The following CNTNAP2 variants were observed in gnomAD, a reference collection of about 807,000 sequenced individuals.
CNTNAP2 encodes the protein contactin-associated protein-like 2.
In CNTNAP2, 98 loss-of-function variants were observed where a neutral mutation model predicts 155.2. The observed-to-expected ratio is 0.63, with a 90% CI of 0.54 to 0.75. The LOEUF (loss-of-function observed/expected upper bound fraction) is 0.75, where lower values mean the gene tolerates loss of function less well. CNTNAP2 is among the 30% of genes least tolerant of loss of function. The pLI, the probability that CNTNAP2 is intolerant of heterozygous loss-of-function variation, is 0.00. For synonymous variants in CNTNAP2, 651 were observed against 631.2 expected (o/e 1.03, Z -0.47); for missense variants, 1,727 against 1,688.1 (o/e 1.02, Z -0.40).
In CNTNAP2 at chr7:146,371,806, A is replaced by G. The variant is rs1205153011; in HGVS notation, c.97+254833A>G. On this transcript the variant is annotated intron_variant, in intron 1 of 23. Transcript: ENST00000361727. ...CCCGTCTCTACTTTAAAAAAATGCA[A>G]AAATTAGCTGTGCATAGTGGCACAT... 7.2e-5 allele frequency among the ~76,000 whole-genome samples: 11 copies of G among 152,040 alleles called. No individual in the cohort carries two copies. In the East Asian group the frequency reaches 2.2e-3, roughly 30 times the overall value.
chr7:146,476,958 A>G (rs1403306925), intron 1 of CNTNAP2, among the ~76,000 whole-genome samples: 1 of 152,200 alleles, frequency 6.6e-6, no homozygotes, highest in African/African-American at 2.4e-5. Flanking sequence ...TATGGATACT[A>G]TCTTAGCAAG....
At chr7:146,926,133 T>C (rs892208381) in intron 3 of CNTNAP2, among the ~76,000 whole-genome samples, 2 of 152,160 alleles carry the variant, frequency 1.3e-5, no homozygotes, top group East Asian at 1.9e-4. Context: ...TACAATTCTT[T>C]AGTTGCTAGC....
chr7:147,276,837 A>C (rs888324976), intron 8 of CNTNAP2, among the ~76,000 whole-genome samples: 1 of 152,160 alleles, frequency 6.6e-6, no homozygotes, highest in East Asian at 1.9e-4. Flanking sequence ...TGACAAAAAA[A>C]AAACTGCAAA....
intron 13 of CNTNAP2, among the ~76,000 whole-genome samples, chr7:147,742,224 C>T (rs1019570152): frequency 1.3e-5 from 2 of 152,222 alleles, no homozygotes; most frequent in African/African-American, 4.8e-5. Context: ...ATATCAATGG[C>T]AAAACCGTAT....
intron 2 of CNTNAP2, among the ~76,000 whole-genome samples, chr7:146,781,698 T>A (rs1585087869): frequency 1.3e-5 from 2 of 152,090 alleles, no homozygotes; most frequent in South Asian, 2.1e-4. Context: ...AGAAAGAAAA[T>A]TTTTCCCTTT....
chr7:146,337,750 G>T (rs1015583993), intron 1 of CNTNAP2, among the ~76,000 whole-genome samples: 1 of 152,056 alleles, frequency 6.6e-6, no homozygotes, highest in Non-Finnish European at 1.5e-5. Context: ...GGGATTACAG[G>T]TGTTAGCCAC....
chr7:147,284,037 T>C (rs999190529), intron 8 of CNTNAP2, among the ~76,000 whole-genome samples: 1 of 151,694 alleles, frequency 6.6e-6, no homozygotes, highest in African/African-American at 2.4e-5. Context: ...CTTTCATCTC[T>C]GTAGGTGTTC....
intron 13 of CNTNAP2, among the ~76,000 whole-genome samples, chr7:147,801,912 C>T (rs531434367): frequency 4.8e-4 from 70 of 146,912 alleles, no homozygotes; most frequent in East Asian, 1.7e-3. Flanking sequence ...CGGGCAGAGG[C>T]GCCCCTCACC....
At chr7:147,374,958 G>C (rs180926259) in intron 9 of CNTNAP2, among the ~76,000 whole-genome samples, 7 of 152,076 alleles carry the variant, frequency 4.6e-5, no homozygotes, top group African/African-American at 1.7e-4. Flanking sequence ...TTGAGGGAAG[G>C]ACCTGGTGAA....
At chr7:147,775,238 TATATTTATATATATATTTATAA>T (rs1797543555) in intron 13 of CNTNAP2, among the ~76,000 whole-genome samples, 2 of 121,840 alleles carry the variant, frequency 1.6e-5, no homozygotes, top group East Asian at 2.2e-4. Context: ...AATATATATA[TATATTTATATATATATTTATAA>T]ATATATTTAT....
chr7:146,751,790 G>A (rs796912193), intron 1 of CNTNAP2, among the ~76,000 whole-genome samples: 1 of 151,572 alleles, frequency 6.6e-6, no homozygotes. Context: ...CCCAACCCCC[G>A]ACAGGCCTTG....
chr7:148,254,572 C>G (rs766793942), intron 20 of CNTNAP2, among the ~76,000 whole-genome samples: 5 of 151,976 alleles, frequency 3.3e-5, no homozygotes, highest in East Asian at 3.9e-4. Context: ...GTCAGGAGAT[C>G]GAGACCATCC....
chr7:146,394,597 G>A (rs1795593440), intron 1 of CNTNAP2, among the ~76,000 whole-genome samples: 1 of 152,062 alleles, frequency 6.6e-6, no homozygotes, highest in Non-Finnish European at 1.5e-5. Context: ...GGCAAACTGA[G>A]AGTATTTAAA....
At chr7:147,447,084 G>A (rs1195190188) in intron 10 of CNTNAP2, among the ~76,000 whole-genome samples, 1 of 152,126 alleles carries the variant, frequency 6.6e-6, no homozygotes, top group East Asian at 1.9e-4. Context: ...TAATTACTAT[G>A]ACTTCTATAT....
chr7:146,869,299 TTTTG>T (rs1249908904), intron 3 of CNTNAP2, among the ~76,000 whole-genome samples: 2 of 152,294 alleles, frequency 1.3e-5, no homozygotes, highest in East Asian at 3.9e-4. Flanking sequence ...TTGTCTTTAA[TTTTG>T]TTTATGTGAT....
chr7:147,769,771 T>A (rs1797440260), intron 13 of CNTNAP2, among the ~76,000 whole-genome samples: 1 of 152,142 alleles, frequency 6.6e-6, no homozygotes, highest in Non-Finnish European at 1.5e-5. Context: ...AATGCTTAGC[T>A]ATAAAACAAT....
chr7:147,245,453 T>A (rs1804037800), intron 8 of CNTNAP2, among the ~76,000 whole-genome samples: 1 of 151,838 alleles, frequency 6.6e-6, no homozygotes, highest in Non-Finnish European at 1.5e-5. Context: ...TCATCCCGGG[T>A]TGGTCCAGAC....
chr7:147,482,550 C>T (rs1264912022), intron 10 of CNTNAP2, among the ~76,000 whole-genome samples: 1 of 151,730 alleles, frequency 6.6e-6, no homozygotes, highest in Non-Finnish European at 1.5e-5. Flanking sequence ...AACCCCGTCC[C>T]TACAAAAAAT....
intron 13 of CNTNAP2, among the ~76,000 whole-genome samples, chr7:147,829,077 C>A (rs994764129): frequency 6.6e-6 from 1 of 152,140 alleles, no homozygotes; most frequent in South Asian, 2.1e-4. Flanking sequence ...ATTTATTGAG[C>A]CTTTAGTGTG....
Sources: gnomAD v4.1 joint callset for allele counts (sites outside exome capture counted in the v4.1 genomes callset) on GRCh38, gnomAD v4.1.1 for gene constraint, MANE v1.5 for transcripts, NCBI Gene and HGNC (gene_info 2026-07-23, HGNC 2026-07-21) for gene names.